The following HECW2 variants were observed in gnomAD, a reference collection of about 807,000 sequenced individuals.
The protein encoded by HECW2 is E3 ubiquitin-protein ligase HECW2.
A neutral mutation model predicts 175.2 loss-of-function variants in HECW2; 61 were observed. The ratio of observed to expected loss-of-function variants is 0.35; its 90% CI spans 0.28 to 0.43. The LOEUF (loss-of-function observed/expected upper bound fraction) is 0.43. Ranked by LOEUF, HECW2 falls within the 20% of genes least tolerant of loss-of-function variation. The probability of loss-of-function intolerance (pLI) is 1.00; values close to 1 mark genes in which losing one functional copy is unlikely to be tolerated. For synonymous variants in HECW2, 671 were observed against 731.0 expected, an observed-to-expected ratio of 0.92 and a Z score of 1.32; for missense variants, 1,524 against 2,000.5, an observed-to-expected ratio of 0.76 and a Z score of 4.54.
At chr2:196,444,735 A>G (rs1057210407) in intron 1 of HECW2, among the ~76,000 whole-genome samples, 1 of 152,242 alleles carries the variant, frequency 6.6e-6, no homozygotes, top group Non-Finnish European at 1.5e-5. Context: ...AAGGCCTCTC[A>G]CAAGTAGTGA....
At chr2:196,583,073 G>A (rs1575697342) in intron 1 of HECW2, among the ~76,000 whole-genome samples, 2 of 152,184 alleles carry the variant, frequency 1.3e-5, no homozygotes, top group South Asian at 4.1e-4. Context: ...TAGAAGTTGT[G>A]TCCAATCATA....
intron 2 of HECW2, among the ~76,000 whole-genome samples, chr2:196,396,064 C>G (rs1379377540): frequency 1.3e-5 from 2 of 152,126 alleles, no homozygotes; most frequent in African/African-American, 4.8e-5. Context: ...CTGACATATG[C>G]TACAACATGG....
chr2:196,240,325 G>T, intron 21 of HECW2, 124 bp downstream of exon 21: 5 of 569,336 alleles, frequency 8.8e-6, no homozygotes, highest in Non-Finnish European at 1.5e-5. Flanking sequence ...AAAGGTTTAA[G>T]TGTATGAGAA....
intron 21 of HECW2, among the ~76,000 whole-genome samples, chr2:196,237,391 C>T (rs1688294188): frequency 6.6e-6 from 1 of 152,084 alleles, no homozygotes; most frequent in African/African-American, 2.4e-5. Context: ...CATTCTTATG[C>T]TTTTGTGTCC....
At chr2:196,522,110 G>C (rs1281179454) in intron 1 of HECW2, among the ~76,000 whole-genome samples, 1 of 152,176 alleles carries the variant, frequency 6.6e-6, no homozygotes, top group Admixed American at 6.5e-5. Context: ...CAGTGTAAAA[G>C]TGTTCCTATT....
Position 196,319,613 on chromosome 2 carries a change from T to C in HECW2, c.1277A>G (p.Asn426Ser), listed in dbSNP as rs1575409720. 3 of 1,614,198 alleles carry C rather than the reference T, an allele frequency of 1.9e-6. No individual in the cohort carries two copies. Among genetic ancestry groups the C allele is most frequent in the East Asian group, 2.2e-5 (1 of 44,884 alleles). The change falls in exon 9 of 29, where the codon AAT becomes AGT. Residue 426 changes from asparagine to serine, a missense_variant. Asn to Ser is a conservative substitution (Grantham distance 46). Around this residue, in one of 11 missense-constraint regions of HECW2, gnomAD observed 604 missense variants for 588.3 expected, o/e 1.03. Coordinates refer to ENST00000644978, the MANE Select transcript of HECW2 (RefSeq NM_001348768.2). ...LNDYLDAIEH[N>S]GHSRPGTATC... ...CGCTGTCCCCGGCCTGGAGTGGCCA[T>C]TGTGTTCGATAGCATCTAAGTAATC...
chr2:196,491,501 T>TATATAC (rs1171351964), intron 1 of HECW2, among the ~76,000 whole-genome samples: 190 of 125,974 alleles, frequency 1.5e-3, no homozygotes, highest in African/African-American at 5.0e-3. Context: ...TATATATATA[T>TATATAC]ACACACACAC....
At chr2:196,437,006 G>A (rs908768652) in intron 1 of HECW2, among the ~76,000 whole-genome samples, 20 of 152,138 alleles carry the variant, frequency 1.3e-4, no homozygotes, top group African/African-American at 3.6e-4. Flanking sequence ...CAGGTATCTC[G>A]AGTAAGCCCT....
chr2:196,505,369 G>A (rs1214712275), intron 1 of HECW2, among the ~76,000 whole-genome samples: 3 of 151,946 alleles, frequency 2.0e-5, no homozygotes, highest in Non-Finnish European at 4.4e-5. Flanking sequence ...TGAAAACCCC[G>A]TCTCTACTAA....
chr2:196,469,717 T>A (rs1697118435), intron 1 of HECW2, among the ~76,000 whole-genome samples: 1 of 151,744 alleles, frequency 6.6e-6, no homozygotes, highest in Non-Finnish European at 1.5e-5. Flanking sequence ...GGAAATATTA[T>A]AACATGATGA....
chr2:196,549,722 C>T (rs932552898), intron 1 of HECW2, among the ~76,000 whole-genome samples: 4 of 151,952 alleles, frequency 2.6e-5, no homozygotes, highest in African/African-American at 7.2e-5. Context: ...TTGTTTAAAG[C>T]TCCTACATAG....
intron 27 of HECW2, 120 bp downstream of exon 27, chr2:196,216,888 C>T: frequency 1.6e-6 from 1 of 642,000 alleles, no homozygotes. Flanking sequence ...AATGGTGTAT[C>T]TCATATTTCC....
At chr2:196,207,033 C>T (rs1687093256) in intron 28 of HECW2, among the ~76,000 whole-genome samples, 1 of 152,216 alleles carries the variant, frequency 6.6e-6, no homozygotes, top group Non-Finnish European at 1.5e-5. Context: ...GCAGATGGAA[C>T]ATGACATTGC....
chr2:196,582,967 A>C (rs1690846611), intron 1 of HECW2, among the ~76,000 whole-genome samples: 1 of 152,110 alleles, frequency 6.6e-6, no homozygotes, highest in Non-Finnish European at 1.5e-5. Context: ...TCACCACTCC[A>C]CAAGGCTACC....
At chr2:196,559,764 A>G (rs1446850460) in intron 1 of HECW2, among the ~76,000 whole-genome samples, 1 of 152,214 alleles carries the variant, frequency 6.6e-6, no homozygotes, top group African/African-American at 2.4e-5. Context: ...AATGACTACA[A>G]AAATCATTTT....
At chr2:196,306,661 T>C (rs775155424) in intron 12 of HECW2, 49 bp from the exon 13 acceptor site, 10 of 1,549,142 alleles carry the variant, frequency 6.5e-6, no homozygotes, top group Middle Eastern at 1.7e-4. Flanking sequence ...TTCTATGATG[T>C]GAAAACTATC....
At chr2:196,277,848 A>C (rs1452155821) in intron 15 of HECW2, among the ~76,000 whole-genome samples, 18 of 151,786 alleles carry the variant, frequency 1.2e-4, no homozygotes, top group East Asian at 7.8e-4. Flanking sequence ...TGAAGCTGGA[A>C]ACCATCATTC....
At chr2:196,374,276 T>G (rs1178550781) in intron 2 of HECW2, among the ~76,000 whole-genome samples, 1 of 152,156 alleles carries the variant, frequency 6.6e-6, no homozygotes, top group Middle Eastern at 3.2e-3. Flanking sequence ...AAAAACATAC[T>G]GCAAAATTAT....
intron 2 of HECW2, among the ~76,000 whole-genome samples, chr2:196,349,805 A>G (rs1693106226): frequency 6.6e-6 from 1 of 152,314 alleles, no homozygotes. Flanking sequence ...TCTACTAACT[A>G]TATAATGACA....
Sources: gnomAD v4.1 joint callset for allele counts (sites outside exome capture counted in the v4.1 genomes callset) on GRCh38, gnomAD v4.1.1 for gene constraint, gnomAD v4.1.1 regional missense constraint, MANE v1.5 for transcripts, NCBI Gene and HGNC (gene_info 2026-07-23, HGNC 2026-07-21) for gene names.